The following DNAJC5B variants were observed in gnomAD, a reference collection of about 807,000 sequenced individuals.
The protein encoded by DNAJC5B is DnaJ heat shock protein family (Hsp40) member C5 beta.
DNAJC5B carries 23 observed loss-of-function variants against 24.7 expected under a neutral mutation model. That is an observed-to-expected ratio of 0.93 (90% confidence interval 0.67 to 1.32). DNAJC5B has a LOEUF of 1.32. Ranked by LOEUF, DNAJC5B falls within the 40% of genes most tolerant of loss-of-function variation. DNAJC5B has a pLI of 0.00. For missense variants in DNAJC5B, 238 were observed against 240.8 expected (o/e 0.99, Z 0.08); for synonymous variants, 101 against 90.1 (o/e 1.12, Z -0.68).
intron 3 of DNAJC5B, among the ~76,000 whole-genome samples, chr8:66,066,143 A>G (rs951357062): frequency 3.3e-5 from 5 of 152,230 alleles, no homozygotes; most frequent in Admixed American, 6.5e-5. Context: ...CAACATCACT[A>G]ATCATCAGGG....
intron 1 of DNAJC5B, among the ~76,000 whole-genome samples, chr8:66,033,151 T>C (rs1806396354): frequency 6.6e-6 from 1 of 152,108 alleles, no homozygotes; most frequent in Non-Finnish European, 1.5e-5. Flanking sequence ...GATGGGCAGG[T>C]CAAAAAGCAA....
intron 5 of DNAJC5B, among the ~76,000 whole-genome samples, chr8:66,083,867 G>A (rs901678129): frequency 7.2e-5 from 11 of 152,182 alleles, no homozygotes; most frequent in African/African-American, 2.7e-4. Context: ...ATCAGACAGA[G>A]AAATGTGATG....
Position 66,063,382 on chromosome 8 carries a change from T to C in DNAJC5B, c.119+11716T>C, listed in dbSNP as rs542403188. Among the ~76,000 whole-genome samples, 261 of 152,340 alleles carry C rather than the reference T, an allele frequency of 1.7e-3. 1 individual carries two copies. The highest frequency in any genetic ancestry group is 3.0e-3 in the Non-Finnish European group (206 of 68,024). ...ACAGAGACTGCTTATGAATAAAGTG[T>C]AAATGTCAGGGGAATGCATAGTTAA... On this transcript the variant is annotated intron_variant, in intron 3 of 5. Coordinates refer to ENST00000276570, the MANE Select transcript of DNAJC5B (RefSeq NM_033105.6).
At chr8:66,058,899 C>T (rs1807023947) in intron 3 of DNAJC5B, among the ~76,000 whole-genome samples, 1 of 151,494 alleles carries the variant, frequency 6.6e-6, no homozygotes, top group East Asian at 1.9e-4. Flanking sequence ...GAAATGAGAT[C>T]TTTTTTTTTC....
intron 5 of DNAJC5B, among the ~76,000 whole-genome samples, chr8:66,094,473 T>C (rs1319782019): frequency 1.3e-5 from 2 of 152,104 alleles, no homozygotes; most frequent in African/African-American, 4.8e-5. Flanking sequence ...TTTAAAAACA[T>C]TGATTTTTGA....
intron 3 of DNAJC5B, among the ~76,000 whole-genome samples, chr8:66,062,645 C>T (rs1807108827): frequency 6.6e-6 from 1 of 152,162 alleles, no homozygotes; most frequent in African/African-American, 2.4e-5. Context: ...TCTAGCTCTT[C>T]CTTGGCTTTT....
intron 3 of DNAJC5B, among the ~76,000 whole-genome samples, chr8:66,066,907 A>T (rs921347969): frequency 6.6e-6 from 1 of 152,192 alleles, no homozygotes; most frequent in Non-Finnish European, 1.5e-5. Flanking sequence ...GATGTATAAA[A>T]ACCTGACTTT....
intron 1 of DNAJC5B, among the ~76,000 whole-genome samples, chr8:66,023,223 A>G (rs187947519): frequency 8.7e-4 from 132 of 152,322 alleles, no homozygotes; most frequent in Non-Finnish European, 1.6e-3. Context: ...CCTCTCCAAT[A>G]CACTCTGCCC....
the DNAJC5B span, among the ~76,000 whole-genome samples, chr8:66,016,535 C>T: frequency 4.1e-4 from 62 of 152,302 alleles, no homozygotes; most frequent in African/African-American, 1.4e-3. Context: ...TCAATTAAAC[C>T]TCTTTCTTTA....
At chr8:66,049,100 G>A (rs1806790198) in intron 2 of DNAJC5B, among the ~76,000 whole-genome samples, 3 of 152,194 alleles carry the variant, frequency 2.0e-5, no homozygotes, top group Admixed American at 6.5e-5. Context: ...TTAGGCTTCT[G>A]AATAAATACT....
chr8:66,037,208 T>C (rs1416533870), intron 1 of DNAJC5B, among the ~76,000 whole-genome samples: 1 of 152,188 alleles, frequency 6.6e-6, no homozygotes, highest in Non-Finnish European at 1.5e-5. Context: ...GGTGTGTGTG[T>C]CTGGGGTCTT....
At chr8:66,046,655 C>T (rs1364354104) in intron 2 of DNAJC5B, among the ~76,000 whole-genome samples, 1 of 152,236 alleles carries the variant, frequency 6.6e-6, no homozygotes, top group Non-Finnish European at 1.5e-5. Flanking sequence ...AATGAGATTG[C>T]AAAGGAGAGA....
chr8:66,090,283 TAG>T (rs142117794), intron 5 of DNAJC5B, among the ~76,000 whole-genome samples: 204 of 121,078 alleles, frequency 1.7e-3, no homozygotes, highest in Non-Finnish European at 1.6e-3. Context: ...GTGTGTGTGG[TAG>T]AGAGAGAGAG....
At chr8:66,064,889 G>A (rs1807157062) in intron 3 of DNAJC5B, among the ~76,000 whole-genome samples, 1 of 152,056 alleles carries the variant, frequency 6.6e-6, no homozygotes, top group South Asian at 2.1e-4. Context: ...TACCTTATTA[G>A]AGAGGGTAAT....
At chr8:66,020,008 A>G (rs1004411187), upstream of DNAJC5B, among the ~76,000 whole-genome samples, 7 of 152,214 alleles carry the variant, frequency 4.6e-5, no homozygotes, top group Non-Finnish European at 7.3e-5. Flanking sequence ...TTTATGACCT[A>G]CGGGAATACT....
At chr8:66,043,180 C>T (rs575955795) in intron 1 of DNAJC5B, among the ~76,000 whole-genome samples, 1 of 152,122 alleles carries the variant, frequency 6.6e-6, no homozygotes, top group South Asian at 2.1e-4. Context: ...TTAAAGTTTC[C>T]CCCTTATTAG....
intron 3 of DNAJC5B, among the ~76,000 whole-genome samples, chr8:66,059,488 G>A (rs571889049): frequency 6.6e-6 from 1 of 152,336 alleles, no homozygotes; most frequent in East Asian, 1.9e-4. Context: ...AGGAGTTGAG[G>A]AGGAGGGAGA....
chr8:66,037,103 A>G (rs4549750), intron 1 of DNAJC5B, among the ~76,000 whole-genome samples: 13,677 of 152,108 alleles, frequency 0.09, 645 homozygotes, highest in Middle Eastern at 0.14. Flanking sequence ...CCCTGGGGGA[A>G]TGGAGGATTC....
intron 1 of DNAJC5B, among the ~76,000 whole-genome samples, chr8:66,039,678 G>A (rs1343836127): frequency 6.6e-6 from 1 of 152,134 alleles, no homozygotes; most frequent in African/African-American, 2.4e-5. Context: ...GCTTCAGTGA[G>A]ATAATCTAGT....
Sources: allele counts gnomAD v4.1 joint callset (sites outside exome capture counted in the v4.1 genomes callset), GRCh38; gene constraint gnomAD v4.1.1; transcripts MANE v1.5; gene names NCBI Gene and HGNC (gene_info 2026-07-23, HGNC 2026-07-21).